Variants in L3MBTL4 observed in about 807,000 individuals in gnomAD.
The protein encoded by L3MBTL4 is L3MBTL histone methyl-lysine binding protein 4.
Under a neutral mutation model 84.5 loss-of-function variants are expected in L3MBTL4, and 70 were observed. The observed-to-expected ratio is 0.83, with a 90% CI of 0.68 to 1.01. L3MBTL4 has a LOEUF of 1.01. Ranked by LOEUF, L3MBTL4 falls within the 50% of genes least tolerant of loss-of-function variation. The probability of loss-of-function intolerance (pLI) is 0.00; values close to 1 mark genes in which losing one functional copy is unlikely to be tolerated. For synonymous variants in L3MBTL4, 274 were observed against 259.8 expected (o/e 1.05, Z -0.52); for missense variants, 715 against 754.8 (o/e 0.95, Z 0.62).
At chr18:6,245,470 C>A (rs2146176383) in intron 5 of L3MBTL4, among the ~76,000 whole-genome samples, 1 of 152,048 alleles carries the variant, frequency 6.6e-6, no homozygotes, top group African/African-American at 2.4e-5. Flanking sequence ...TTTACAGTGA[C>A]TTTGTTGCAG....
intron 1 of L3MBTL4, among the ~76,000 whole-genome samples, chr18:6,379,854 C>A (rs1052338653): frequency 6.6e-6 from 1 of 152,192 alleles, no homozygotes; most frequent in Non-Finnish European, 1.5e-5. Context: ...GGAGGATTCT[C>A]TCTTTTTCTA....
intron 1 of L3MBTL4, among the ~76,000 whole-genome samples, chr18:6,327,127 T>C (rs1202795641): frequency 6.6e-6 from 1 of 152,186 alleles, no homozygotes; most frequent in Admixed American, 6.5e-5. Flanking sequence ...CACCAAGTGT[T>C]GAAGCGAGTG....
At chr18:6,052,176 C>T (rs796274472) in intron 16 of L3MBTL4, among the ~76,000 whole-genome samples, 36 of 152,216 alleles carry the variant, frequency 2.4e-4, no homozygotes, top group African/African-American at 6.7e-4. Flanking sequence ...TCCTTTAAGT[C>T]GACTTCATAA....
intron 16 of L3MBTL4, among the ~76,000 whole-genome samples, chr18:5,990,467 T>C (rs917635256): frequency 6.6e-6 from 1 of 152,200 alleles, no homozygotes; most frequent in Non-Finnish European, 1.5e-5. Flanking sequence ...AAAGAATTTC[T>C]TGCACTTCAC....
At chr18:6,299,630 T>C (rs1228437629) in intron 4 of L3MBTL4, among the ~76,000 whole-genome samples, 1 of 152,186 alleles carries the variant, frequency 6.6e-6, no homozygotes, top group Non-Finnish European at 1.5e-5. Context: ...CACATGCTTG[T>C]TATAAAATCA....
At chr18:6,379,385 T>C (rs1481467340) in intron 1 of L3MBTL4, among the ~76,000 whole-genome samples, 2 of 152,216 alleles carry the variant, frequency 1.3e-5, no homozygotes, top group African/African-American at 2.4e-5. Context: ...AGGGCATCCT[T>C]GTCTTGTGCC....
intron 12 of L3MBTL4, among the ~76,000 whole-genome samples, chr18:6,175,646 C>T (rs2044195068): frequency 6.6e-6 from 1 of 152,150 alleles, no homozygotes; most frequent in Non-Finnish European, 1.5e-5. Context: ...TACACAATGA[C>T]AAATACTTCA....
chr18:6,051,471 G>A (rs1267905869), intron 16 of L3MBTL4, among the ~76,000 whole-genome samples: 2 of 152,140 alleles, frequency 1.3e-5, no homozygotes, highest in South Asian at 2.1e-4. Context: ...CTTGCGGGGC[G>A]GAGGTTGCAG....
intron 10 of L3MBTL4, among the ~76,000 whole-genome samples, chr18:6,224,307 C>T (rs1367502209): frequency 6.6e-6 from 1 of 152,152 alleles, no homozygotes; most frequent in Non-Finnish European, 1.5e-5. Flanking sequence ...AATCTGTTAA[C>T]ATAAGAAGTA....
At chr18:6,266,419 T>C (rs1372738109) in intron 4 of L3MBTL4, among the ~76,000 whole-genome samples, 2 of 152,240 alleles carry the variant, frequency 1.3e-5, no homozygotes, top group Admixed American at 1.3e-4. Flanking sequence ...CGCTGAGTCC[T>C]AATTTTAGCA....
chr18:6,377,726 T>G (rs2054428141), intron 1 of L3MBTL4, among the ~76,000 whole-genome samples: 1 of 152,238 alleles, frequency 6.6e-6, no homozygotes. Context: ...CTATCATTGA[T>G]GGAAATTTGG....
At chr18:6,314,891 G>A (rs998194957) in intron 1 of L3MBTL4, among the ~76,000 whole-genome samples, 9 of 152,206 alleles carry the variant, frequency 5.9e-5, no homozygotes, top group East Asian at 1.9e-4. Flanking sequence ...TCACACACCC[G>A]CTAAAGGGAG....
intron 1 of L3MBTL4, among the ~76,000 whole-genome samples, chr18:6,358,064 T>A (rs1178093681): frequency 6.6e-6 from 1 of 152,138 alleles, no homozygotes; most frequent in Non-Finnish European, 1.5e-5. Context: ...CCTTCCCCCA[T>A]CAAGGTGGAG....
At chr18:6,192,120 C>T (rs374233783) in intron 12 of L3MBTL4, among the ~76,000 whole-genome samples, 8 of 151,906 alleles carry the variant, frequency 5.3e-5, no homozygotes, top group East Asian at 1.9e-4. Context: ...CAGGAAACAA[C>T]GAAGAGAATG....
At chr18:6,212,267 T>G (rs1011232386) in intron 12 of L3MBTL4, among the ~76,000 whole-genome samples, 1 of 152,198 alleles carries the variant, frequency 6.6e-6, no homozygotes, top group Admixed American at 6.5e-5. Flanking sequence ...TTTACTAAAA[T>G]GTATGTACTG....
intron 16 of L3MBTL4, among the ~76,000 whole-genome samples, chr18:6,072,261 C>G (rs1414260105): frequency 6.6e-6 from 1 of 151,960 alleles, no homozygotes; most frequent in African/African-American, 2.4e-5. Flanking sequence ...AGAAATGTAT[C>G]AGTAAAGATA....
chr18:6,274,275 G>C (rs1035397568), intron 4 of L3MBTL4, among the ~76,000 whole-genome samples: 1 of 152,144 alleles, frequency 6.6e-6, no homozygotes, highest in Non-Finnish European at 1.5e-5. Context: ...AAAACTCTGG[G>C]AGTAGGGCCC....
intron 15 of L3MBTL4, among the ~76,000 whole-genome samples, chr18:6,091,472 A>G (rs937601108): frequency 3.3e-5 from 5 of 152,216 alleles, no homozygotes; most frequent in Non-Finnish European, 5.9e-5. Context: ...AGCTAATTAC[A>G]GGCAACATAG....
intron 16 of L3MBTL4, among the ~76,000 whole-genome samples, chr18:6,037,719 C>CAACAT (rs1452492832): frequency 2.0e-5 from 3 of 152,214 alleles, no homozygotes; most frequent in Non-Finnish European, 4.4e-5. Flanking sequence ...TAACTATAGC[C>CAACAT]AACATAACTG....
Sources: allele counts gnomAD v4.1 joint callset (sites outside exome capture counted in the v4.1 genomes callset), GRCh38; gene constraint gnomAD v4.1.1; transcripts MANE v1.5; gene names NCBI Gene and HGNC (gene_info 2026-07-23, HGNC 2026-07-21).